SREK1: variants seen among roughly 807,000 people sequenced by gnomAD.
SREK1 encodes the protein splicing regulatory glutamic acid and lysine rich protein 1.
In SREK1, 13 loss-of-function variants were observed where a neutral mutation model predicts 66.5. The ratio of observed to expected loss-of-function variants is 0.20; its 90% CI spans 0.13 to 0.31. The LOEUF (loss-of-function observed/expected upper bound fraction) is 0.31. Among genes scored for constraint, SREK1 ranks in the 10% least tolerant of loss-of-function variants. SREK1 has a pLI of 1.00. For synonymous variants in SREK1, 265 were observed against 263.5 expected (o/e 1.01, Z -0.05); for missense variants, 607 against 769.6 (o/e 0.79, Z 2.50).
chr5:66,178,402 C>G (rs950130118), intron 11 of SREK1, among the ~76,000 whole-genome samples: 4 of 151,950 alleles, frequency 2.6e-5, no homozygotes, highest in Non-Finnish European at 5.9e-5. Flanking sequence ...AAAATCTATC[C>G]TGGCATCCTT....
chr5:66,174,871 C>A, intron 9 of SREK1, 75 bp from the exon 10 acceptor site: 10 of 1,368,182 alleles, frequency 7.3e-6, no homozygotes, highest in Non-Finnish European at 1.0e-5. Context: ...ATCAAGGACC[C>A]TTTTGCTTTT....
At chr5:66,151,575 G>A (rs557505016) in intron 1 of SREK1, among the ~76,000 whole-genome samples, 2 of 152,304 alleles carry the variant, frequency 1.3e-5, no homozygotes, top group Non-Finnish European at 2.9e-5. Flanking sequence ...AACTTACTTA[G>A]TGACCATCAA....
chr5:66,162,378 G>T, intron 4 of SREK1, 36 bp from the exon 5 acceptor site: 1 of 1,609,132 alleles, frequency 6.2e-7, no homozygotes. Flanking sequence ...TTTTTAAATG[G>T]ATATATTTTA....
At chr5:66,159,976 A>G (rs1010427920) in intron 3 of SREK1, among the ~76,000 whole-genome samples, 1 of 152,206 alleles carries the variant, frequency 6.6e-6, no homozygotes, top group Non-Finnish European at 1.5e-5. Context: ...TAAAAATACA[A>G]AAACTTCTCT....
chr5:66,161,116 C>A (rs185567499), intron 3 of SREK1, among the ~76,000 whole-genome samples: 44 of 152,180 alleles, frequency 2.9e-4, no homozygotes, highest in Middle Eastern at 3.4e-3. Context: ...ATAATAATAA[C>A]CCATTTCTTA....
chr5:66,178,581 A>G (rs1371541817), intron 11 of SREK1, 138 bp from the exon 12 acceptor site: 1 of 732,608 alleles, frequency 1.4e-6, no homozygotes. Flanking sequence ...TTGCATATTC[A>G]TTTTGTGTGA....
chr5:66,154,114 C>T (rs1334513053), intron 2 of SREK1, among the ~76,000 whole-genome samples: 3 of 152,044 alleles, frequency 2.0e-5, no homozygotes, highest in African/African-American at 7.2e-5. Flanking sequence ...TGCTTTGCAA[C>T]TGGAATTTAA....
chr5:66,171,056 T>C, intron 9 of SREK1, 109 bp downstream of exon 9: 1 of 1,306,198 alleles, frequency 7.7e-7, no homozygotes, highest in Non-Finnish European at 1.0e-6. Flanking sequence ...ACCTGTAAAG[T>C]AATATAAGAA....
chr5:66,149,240 C>T (rs1456509110), intron 1 of SREK1, among the ~76,000 whole-genome samples: 1 of 152,032 alleles, frequency 6.6e-6, no homozygotes, highest in Admixed American at 6.6e-5. Flanking sequence ...GTTATCCCAG[C>T]TACTTGGGAG....
At chr5:66,147,931 A>T (rs1215848660) in intron 1 of SREK1, among the ~76,000 whole-genome samples, 1 of 152,008 alleles carries the variant, frequency 6.6e-6, no homozygotes, top group Admixed American at 6.6e-5. Flanking sequence ...AGCATTTTCC[A>T]TATTGCTGTC....
intron 1 of SREK1, among the ~76,000 whole-genome samples, chr5:66,151,064 C>T (rs532711807): frequency 2.0e-5 from 3 of 152,290 alleles, no homozygotes; most frequent in Admixed American, 1.3e-4. Flanking sequence ...TGGTCTCAAA[C>T]TCCTGACATC....
chr5:66,145,192 G>C (rs759997260), intron 1 of SREK1: 56 of 983,554 alleles, frequency 5.7e-5, no homozygotes, highest in Non-Finnish European at 6.6e-5. Flanking sequence ...GTGTAAGTCG[G>C]TGCAGGGTTA....
At chr5:66,171,881 G>A in intron 9 of SREK1, among the ~76,000 whole-genome samples, 1 of 150,944 alleles carries the variant, frequency 6.6e-6, no homozygotes, top group South Asian at 2.1e-4. Flanking sequence ...CCTCACAACA[G>A]GCCTGGGAGA....
At chr5:66,148,194 C>T (rs1743433033) in intron 1 of SREK1, among the ~76,000 whole-genome samples, 1 of 151,934 alleles carries the variant, frequency 6.6e-6, no homozygotes, top group Non-Finnish European at 1.5e-5. Flanking sequence ...CACTGAAGCC[C>T]AGTGAAGAAA....
chr5:66,158,821 C>T, intron 2 of SREK1: 1 of 1,290,270 alleles, frequency 7.8e-7, no homozygotes, highest in Non-Finnish European at 1.0e-6. Flanking sequence ...ATGCAGCCAA[C>T]ACGAACGGTT....
At position 66,144,512 on chromosome 5, in the gene SREK1, G is replaced by C. The variant is rs1033563264; in HGVS notation, c.136G>C (p.Glu46Gln). The C allele has an allele frequency of 9.7e-6, 15 of 1,553,592 alleles. No homozygotes were observed. Among genetic ancestry groups the C allele is most frequent in the Non-Finnish European group, 1.3e-5 (15 of 1,148,040 alleles). ...RTLFSFLGEI[E>Q]ELRLYPPDNA... Reference sequence around the variant, plus strand: ...GCTTTTTTCCTTCCTAGGAGAAATCGAGGAGCTGCGGCTCTACCCCCCGGA... The same window carrying C: ...GCTTTTTTCCTTCCTAGGAGAAATCCAGGAGCTGCGGCTCTACCCCCCGGA... Residue 46 changes from glutamate to glutamine, a missense_variant, in exon 1 of 12, where the codon GAG (glutamate) becomes CAG (glutamine). Glu to Gln is a conservative substitution (Grantham distance 29, BLOSUM62 2). Transcript: ENST00000334121.
Position 66,156,258 on chromosome 5 carries a change from C to CT in SREK1, c.295+2669dup, listed in dbSNP as rs1158462954. The CT allele has an allele frequency of 9.2e-6, 12 of 1,308,538 alleles. 1 individual carries two copies. In the South Asian group the frequency reaches 2.0e-4, roughly 21 times the overall value. 81.1% of individuals were successfully genotyped at this position (1,308,538 alleles called of 1,614,324 possible). A position where few individuals can be genotyped will look rare whatever the true frequency, so the allele number is the denominator to read the frequency against. On this transcript the variant is annotated intron_variant, in intron 2 of 11. Transcript: ENST00000334121. ...TCATTTCTTTTTCTTTATTTTGTCC[C>CT]TTTTTTTGTTTTTGTTTTTGTTTTT...
chr5:66,155,233 T>C (rs1744185347), intron 2 of SREK1, among the ~76,000 whole-genome samples: 1 of 152,216 alleles, frequency 6.6e-6, no homozygotes, highest in Admixed American at 6.5e-5. Flanking sequence ...ACCTTTTTAG[T>C]GTTTTTAATA....
intron 2 of SREK1, among the ~76,000 whole-genome samples, chr5:66,154,955 G>A (rs1744155267): frequency 6.6e-6 from 1 of 151,994 alleles, no homozygotes; most frequent in African/African-American, 2.4e-5. Flanking sequence ...TCAGGTAAAA[G>A]GTTTATTAAA....
Sources: gnomAD v4.1 joint callset for allele counts (sites outside exome capture counted in the v4.1 genomes callset) on GRCh38, gnomAD v4.1.1 for gene constraint, MANE v1.5 for transcripts, NCBI Gene and HGNC (gene_info 2026-07-23, HGNC 2026-07-21) for gene names.